CDH18: variants seen among roughly 807,000 people sequenced by gnomAD.
The protein encoded by CDH18 is cadherin 18, also known as cadherin-18.
A neutral mutation model predicts 67.9 loss-of-function variants in CDH18; 31 were observed. The ratio of observed to expected loss-of-function variants is 0.46; its 90% CI spans 0.34 to 0.62. The LOEUF is 0.62. Among genes scored for constraint, CDH18 ranks in the 20% least tolerant of loss-of-function variants. CDH18 has a pLI of 0.01. For synonymous variants in CDH18, 362 were observed against 347.2 expected (o/e 1.04, Z -0.48); for missense variants, 890 against 975.5 (o/e 0.91, Z 1.17).
chr5:19,683,957 AG>A (rs1323200953), intron 5 of CDH18, among the ~76,000 whole-genome samples: 1 of 152,162 alleles, frequency 6.6e-6, no homozygotes, highest in Non-Finnish European at 1.5e-5. Flanking sequence ...CTAGAGAACT[AG>A]GAACTGGCAC....
chr5:19,655,881 C>T (rs1195299588), intron 5 of CDH18, among the ~76,000 whole-genome samples: 1 of 152,020 alleles, frequency 6.6e-6, no homozygotes, highest in African/African-American at 2.4e-5. Context: ...CAGGATTTCC[C>T]CAAAGTCAAT....
At chr5:19,642,261 G>A (rs1754110306) in intron 5 of CDH18, among the ~76,000 whole-genome samples, 3 of 151,800 alleles carry the variant, frequency 2.0e-5, no homozygotes, top group Admixed American at 6.6e-5. Flanking sequence ...ACCCAAAGTG[G>A]TCTACAGATT....
chr5:19,497,665 A>C (rs1742571739), intron 11 of CDH18, among the ~76,000 whole-genome samples: 3 of 152,240 alleles, frequency 2.0e-5, no homozygotes, highest in Non-Finnish European at 4.4e-5. Context: ...GGAGAATTTC[A>C]TCAGAGTATA....
At chr5:20,283,746 A>G (rs1038026133) in intron 1 of CDH18, among the ~76,000 whole-genome samples, 1 of 152,026 alleles carries the variant, frequency 6.6e-6, no homozygotes, top group Non-Finnish European at 1.5e-5. Flanking sequence ...CAAATCCACT[A>G]CTAGGTATAT....
chr5:20,355,242 G>A (rs1011347427), intron 1 of CDH18, among the ~76,000 whole-genome samples: 3 of 152,148 alleles, frequency 2.0e-5, no homozygotes, highest in African/African-American at 7.2e-5. Flanking sequence ...GATGAGGGAG[G>A]GCAGTATGGC....
intron 5 of CDH18, among the ~76,000 whole-genome samples, chr5:19,629,767 G>A (rs566539870): frequency 4.5e-4 from 69 of 151,948 alleles, no homozygotes; most frequent in African/African-American, 1.6e-3. Context: ...CACAATAAGA[G>A]GTTGACTATA....
intron 5 of CDH18, among the ~76,000 whole-genome samples, chr5:19,646,030 T>A (rs1030669127): frequency 2.0e-5 from 3 of 152,058 alleles, no homozygotes; most frequent in African/African-American, 7.2e-5. Context: ...GACATGGAGA[T>A]CTTCAATGTG....
chr5:20,565,994 T>C (rs1405517564), intron 1 of CDH18, among the ~76,000 whole-genome samples: 4 of 152,130 alleles, frequency 2.6e-5, no homozygotes, highest in African/African-American at 7.2e-5. Flanking sequence ...AATTCCCTGA[T>C]TTTTGCTGAC....
chr5:19,741,262 C>CATAA (rs1769142438), intron 4 of CDH18, among the ~76,000 whole-genome samples: 1 of 107,928 alleles, frequency 9.3e-6, no homozygotes. Context: ...TATATGTATA[C>CATAA]ATATATACAT....
At chr5:19,548,467 A>G (rs1397263873) in intron 8 of CDH18, among the ~76,000 whole-genome samples, 2 of 152,120 alleles carry the variant, frequency 1.3e-5, no homozygotes, top group African/African-American at 4.8e-5. Context: ...GGCAGAGAGG[A>G]AATACTTAAA....
chr5:19,498,347 T>C (rs1742685762), intron 11 of CDH18, among the ~76,000 whole-genome samples: 3 of 152,120 alleles, frequency 2.0e-5, no homozygotes, highest in Non-Finnish European at 1.5e-5. Context: ...AAGAGTTTCA[T>C]GAGAAATTGT....
intron 5 of CDH18, among the ~76,000 whole-genome samples, chr5:19,678,517 C>T (rs902138690): frequency 1.3e-5 from 2 of 151,886 alleles, no homozygotes. Flanking sequence ...TTAATGCCTA[C>T]ATCAAAGAGC....
At chr5:20,225,449 A>G (rs1421706663) in intron 2 of CDH18, among the ~76,000 whole-genome samples, 2 of 152,174 alleles carry the variant, frequency 1.3e-5, no homozygotes, top group Non-Finnish European at 2.9e-5. Context: ...TTACGTTTAA[A>G]TAATATCTCA....
chr5:19,837,240 C>T (rs1042892462), intron 3 of CDH18, among the ~76,000 whole-genome samples: 1 of 151,932 alleles, frequency 6.6e-6, no homozygotes, highest in African/African-American at 2.4e-5. Flanking sequence ...TGGGAAAAAA[C>T]ACACACCAGG....
chr5:19,818,212 G>A (rs1473722528), intron 3 of CDH18, among the ~76,000 whole-genome samples: 2 of 152,060 alleles, frequency 1.3e-5, no homozygotes, highest in Admixed American at 6.6e-5. Flanking sequence ...AGGAATTAAA[G>A]AGACTTAACA....
At chr5:20,432,255 CA>C (rs1340365010) in intron 1 of CDH18, among the ~76,000 whole-genome samples, 5 of 152,072 alleles carry the variant, frequency 3.3e-5, no homozygotes, top group Non-Finnish European at 7.4e-5. Context: ...TTAATTTCCC[CA>C]AAATACTAAT....
intron 2 of CDH18, among the ~76,000 whole-genome samples, chr5:20,201,549 T>G (rs972482518): frequency 1.3e-5 from 2 of 152,120 alleles, no homozygotes; most frequent in Admixed American, 6.6e-5. Flanking sequence ...TAGTACTTTG[T>G]ACCTGGATAA....
chr5:19,734,439 G>T (rs1277407996), intron 4 of CDH18, among the ~76,000 whole-genome samples: 4 of 151,728 alleles, frequency 2.6e-5, no homozygotes, highest in African/African-American at 2.4e-5. Context: ...TGGACGTTTT[G>T]GTTTACTGGA....
At chr5:19,713,630 A>AT (rs1764989147) in intron 5 of CDH18, among the ~76,000 whole-genome samples, 1 of 152,096 alleles carries the variant, frequency 6.6e-6, no homozygotes, top group Non-Finnish European at 1.5e-5. Flanking sequence ...GAGTTATCTG[A>AT]TATCTATAGT....
Sources: allele counts gnomAD v4.1 joint callset (sites outside exome capture counted in the v4.1 genomes callset), GRCh38; gene constraint gnomAD v4.1.1; transcripts MANE v1.5; gene names NCBI Gene and HGNC (gene_info 2026-07-23, HGNC 2026-07-21).